COG6: variants seen among roughly 807,000 people sequenced by gnomAD.
COG6 encodes component of oligomeric golgi complex 6, also known as conserved oligomeric Golgi complex subunit 6.
In COG6, 74 loss-of-function variants were observed where a neutral mutation model predicts 88.8. The observed-to-expected ratio is 0.83, with a 90% confidence interval of 0.69 to 1.01. The LOEUF is 1.01. Ranked by LOEUF, COG6 falls within the 50% of genes least tolerant of loss-of-function variation. The pLI is 0.00. For missense variants in COG6, 800 were observed against 797.9 expected (o/e 1.00, Z -0.03); for synonymous variants, 286 against 278.7 (o/e 1.03, Z -0.26).
upstream of COG6, chr13:39,655,630 G>A (rs1874407335): frequency 1.4e-6 from 2 of 1,405,058 alleles, no homozygotes; most frequent in African/African-American, 1.4e-5. Flanking sequence ...CGGGGCCGAT[G>A]CGCATGCGCG....
At chr13:39,781,322 A>C (rs561866043) in intron 18 of COG6, among the ~76,000 whole-genome samples, 6 of 152,206 alleles carry the variant, frequency 3.9e-5, no homozygotes, top group African/African-American at 1.4e-4. Context: ...ATTCACTGGA[A>C]CATGCAAAAT....
intron 18 of COG6, among the ~76,000 whole-genome samples, chr13:39,778,179 T>C (rs765820977): frequency 6.6e-6 from 1 of 152,198 alleles, no homozygotes; most frequent in Non-Finnish European, 1.5e-5. Context: ...TTAATACATA[T>C]CCAATTTGGG....
chr13:39,770,680 T>G (rs1031066346), intron 18 of COG6, among the ~76,000 whole-genome samples: 34 of 152,330 alleles, frequency 2.2e-4, no homozygotes, highest in African/African-American at 7.9e-4. Flanking sequence ...TCTCCAGAGG[T>G]GGCTATAGCC....
At chr13:39,690,894 ATGT>A (rs1876942973) in intron 11 of COG6, among the ~76,000 whole-genome samples, 1 of 151,982 alleles carries the variant, frequency 6.6e-6, no homozygotes, top group African/African-American at 2.4e-5. Context: ...ACTTATATAA[ATGT>A]TGTTTATTTT....
intron 4 of COG6, among the ~76,000 whole-genome samples, chr13:39,666,116 A>G (rs746849944): frequency 3.9e-5 from 6 of 152,206 alleles, no homozygotes; most frequent in Non-Finnish European, 7.3e-5. Context: ...TTCTGATCCA[A>G]CTAGTGTTTT....
chr13:39,672,192 GC>G (rs1208965997), intron 4 of COG6, among the ~76,000 whole-genome samples: 8 of 151,960 alleles, frequency 5.3e-5, no homozygotes, highest in African/African-American at 1.7e-4. Context: ...TGTATTAGAT[GC>G]CTTTTAAGCT....
At chr13:39,720,356 A>G (rs1420224275) in intron 15 of COG6, among the ~76,000 whole-genome samples, 5 of 152,056 alleles carry the variant, frequency 3.3e-5, no homozygotes, top group Non-Finnish European at 7.4e-5. Flanking sequence ...GTATATGATG[A>G]CTAAAACAAA....
chr13:39,788,913 A>G (rs1036904589), exon 19 of COG6: 2 of 153,968 alleles, frequency 1.3e-5, no homozygotes, highest in African/African-American at 4.8e-5. Context: ...GATGATTAAA[A>G]TATACTCACT....
chr13:39,673,954 TTCTG>T (rs200734909), intron 4 of COG6, among the ~76,000 whole-genome samples: 9,372 of 152,170 alleles, frequency 0.062, 382 homozygotes, highest in Non-Finnish European at 0.095. Context: ...TCTACTTCCA[TTCTG>T]TCTATTTTAT....
chr13:39,788,497 G>T, exon 19 of COG6: 1 of 730,570 alleles, frequency 1.4e-6, no homozygotes. Context: ...TCTACTCTGT[G>T]ACTCTTCATC....
intron 7 of COG6, 137 bp downstream of exon 7, chr13:39,680,182 G>T: frequency 3.2e-5 from 19 of 592,820 alleles, no homozygotes; most frequent in South Asian, 9.6e-5. Context: ...ATTTGTATTT[G>T]GTTTTTAAAT....
intron 12 of COG6, among the ~76,000 whole-genome samples, chr13:39,694,955 GCACACACACACA>G (rs5803006): frequency 1.4e-5 from 2 of 142,558 alleles, no homozygotes; most frequent in African/African-American, 2.6e-5. Flanking sequence ...TTAACTACAC[GCACACACACACA>G]CACACACACA....
intron 18 of COG6, among the ~76,000 whole-genome samples, chr13:39,737,857 G>T (rs763342442): frequency 6.6e-6 from 1 of 152,098 alleles, no homozygotes; most frequent in South Asian, 2.1e-4. Context: ...CTTCCCTTCT[G>T]ACTAGTGCTG....
At chr13:39,688,580 C>G (rs1876802591) in intron 10 of COG6, among the ~76,000 whole-genome samples, 1 of 152,134 alleles carries the variant, frequency 6.6e-6, no homozygotes, top group South Asian at 2.1e-4. Context: ...GAGAGATGCA[C>G]TCCCATAGCC....
At chr13:39,781,646 C>T (rs1286968294) in intron 18 of COG6, among the ~76,000 whole-genome samples, 2 of 152,046 alleles carry the variant, frequency 1.3e-5, no homozygotes, top group African/African-American at 4.8e-5. Flanking sequence ...ATCCTTCTCC[C>T]ACCCCAATTC....
In COG6 at chr13:39,751,715, A is replaced by G. The variant is rs1273191500; in HGVS notation, c.*622A>G. ...ATTTGACTGTGTACATTCTTATGCA[A>G]TTTTAAGTATACACTCAGCAATAAT... On this transcript the variant is annotated 3_prime_UTR_variant, in exon 19 of 19. Coordinates refer to ENST00000455146, the MANE Select transcript of COG6 (RefSeq NM_020751.3). The G allele has an allele frequency of 7.8e-7, 1 of 1,286,806 alleles. No individual in the cohort carries two copies. Among genetic ancestry groups the G allele is most frequent in the African/African-American group, 1.5e-5 (1 of 65,752 alleles). The allele number at this position is 1,286,806 out of a possible 1,614,324, so 79.7% of individuals were successfully genotyped here.
Position 39,752,137 on chromosome 13 carries a change from T to C in COG6, c.*1044T>C, listed in dbSNP as rs751521569. On this transcript the variant is annotated 3_prime_UTR_variant, in exon 19 of 19. Coordinates refer to ENST00000455146, the MANE Select transcript of COG6 (RefSeq NM_020751.3). ...AAATCCCAGTGTGCCTGATTTGACA[T>C]TCTTGTCAGCAAAAAAAAACTTAAT... is the stretch of plus-strand genomic sequence containing the variant. 2.9e-4 allele frequency: 359 copies of C among 1,217,862 alleles called. No individual in the cohort carries two copies. The highest frequency in any genetic ancestry group is 3.5e-4 in the Non-Finnish European group (335 of 953,670). 75.4% of individuals were successfully genotyped at this position (1,217,862 alleles called of 1,614,324 possible). A position where few individuals can be genotyped will look rare whatever the true frequency, so the allele number is the denominator to read the frequency against.
At chr13:39,725,062 C>A (rs117839142) in intron 17 of COG6, among the ~76,000 whole-genome samples, 1 of 151,736 alleles carries the variant, frequency 6.6e-6, no homozygotes, top group African/African-American at 2.4e-5. Flanking sequence ...TGCATGATCA[C>A]TACTTTTTGT....
intron 7 of COG6, among the ~76,000 whole-genome samples, chr13:39,680,930 C>T (rs1876276826): frequency 6.6e-6 from 1 of 152,192 alleles, no homozygotes; most frequent in African/African-American, 2.4e-5. Context: ...GCCTTAATTT[C>T]ATTTACAAAG....
Sources: allele counts gnomAD v4.1 joint callset (sites outside exome capture counted in the v4.1 genomes callset), GRCh38; gene constraint gnomAD v4.1.1; transcripts MANE v1.5; gene names NCBI Gene and HGNC (gene_info 2026-07-23, HGNC 2026-07-21).